The following AKAP13 variants were observed in gnomAD, a reference collection of about 807,000 sequenced individuals.
The protein encoded by AKAP13 is A-kinase anchoring protein 13.
Under a neutral mutation model 264.5 loss-of-function variants are expected in AKAP13, and 80 were observed. The observed-to-expected ratio is 0.30, with a 90% CI of 0.25 to 0.36. AKAP13 has a LOEUF of 0.36. Among genes scored for constraint, AKAP13 ranks in the 10% least tolerant of loss-of-function variants. AKAP13 has a pLI of 1.00. For synonymous variants in AKAP13, 1,380 were observed against 1,250.2 expected (o/e 1.10, Z -2.19); for missense variants, 3,712 against 3,435.2 (o/e 1.08, Z -2.01).
At chr15:85,619,846 C>G in intron 8 of AKAP13, 1 of 1,354,172 alleles carries the variant, frequency 7.4e-7, no homozygotes, top group Non-Finnish European at 9.5e-7. Context: ...GTTCTACATT[C>G]ATCTTTCCAG....
intron 1 of AKAP13, among the ~76,000 whole-genome samples, chr15:85,458,158 G>T (rs2074349806): frequency 6.7e-6 from 1 of 148,660 alleles, no homozygotes. Context: ...AAAAAAAGTT[G>T]AAAATACTAA....
At chr15:85,589,553 C>G (rs59039067) in intron 8 of AKAP13, among the ~76,000 whole-genome samples, 1 of 149,594 alleles carries the variant, frequency 6.7e-6, no homozygotes, top group Non-Finnish European at 1.5e-5. Flanking sequence ...GTCAGGAGTT[C>G]GTGACCAGCC....
chr15:85,599,817 C>T (rs2079975369), intron 8 of AKAP13, among the ~76,000 whole-genome samples: 1 of 152,156 alleles, frequency 6.6e-6, no homozygotes, highest in Admixed American at 6.5e-5. Context: ...GGGAGGATTG[C>T]TTGAGCCTAG....
At chr15:85,705,318 C>A (rs1212443746) in intron 17 of AKAP13, among the ~76,000 whole-genome samples, 1 of 152,130 alleles carries the variant, frequency 6.6e-6, no homozygotes, top group African/African-American at 2.4e-5. Flanking sequence ...AAGAACAGAA[C>A]TTGGAAACAA....
In AKAP13 at chr15:85,718,673, G is replaced by A. The variant is rs955374823; in HGVS notation, c.6002-403G>A. 6 of 205,722 alleles carry A rather than the reference G, an allele frequency of 2.9e-5. No homozygotes were observed. Among genetic ancestry groups the A allele is most frequent in the African/African-American group, 9.5e-5 (4 of 42,082 alleles). The allele number at this position is 205,722 out of a possible 1,614,324, so 12.7% of individuals were successfully genotyped here. The stretch of plus-strand genomic sequence containing the variant: ...TCCCAGCACTCTGGGAGGCTGAGGC[G>A]GGTGGATCACTCGAGCCCAGAGTTC... On this transcript the variant is annotated intron_variant, in intron 22 of 36. Coordinates refer to ENST00000394518, the MANE Select transcript of AKAP13 (RefSeq NM_007200.5). This position sits in a 1 kb window ranked among gnomAD's most constrained non-coding sequence, Gnocchi z 4.9.
chr15:85,533,931 C>T (rs769925024), intron 4 of AKAP13, 51 bp downstream of exon 4: 4 of 1,403,316 alleles, frequency 2.9e-6, no homozygotes, highest in Non-Finnish European at 3.8e-6. Context: ...GATATTTCTA[C>T]TTTTTTTTTA....
chr15:85,438,603 C>T (rs2073450375), intron 1 of AKAP13, among the ~76,000 whole-genome samples: 1 of 146,896 alleles, frequency 6.8e-6, no homozygotes, highest in Admixed American at 6.8e-5. Context: ...CAGCATGGTA[C>T]TGGTACCAAA....
At chr15:85,490,886 G>A (rs2075702976) in intron 2 of AKAP13, among the ~76,000 whole-genome samples, 2 of 152,180 alleles carry the variant, frequency 1.3e-5, no homozygotes, top group South Asian at 4.1e-4. Context: ...CGATGTGATT[G>A]TGCCTGACCA....
At chr15:85,651,502 G>C (rs1236885697) in intron 10 of AKAP13, 2 of 152,154 alleles carry the variant, frequency 1.3e-5, no homozygotes, top group African/African-American at 4.8e-5. Context: ...GAGGGTACCA[G>C]TCAGTGACTT....
At chr15:85,537,808 C>G (rs1318806681) in intron 4 of AKAP13, among the ~76,000 whole-genome samples, 1 of 152,220 alleles carries the variant, frequency 6.6e-6, no homozygotes, top group Non-Finnish European at 1.5e-5. Flanking sequence ...AGTTTATAAG[C>G]TATTCATTTT....
intron 19 of AKAP13, among the ~76,000 whole-genome samples, chr15:85,712,048 C>T (rs1285179935): frequency 1.3e-5 from 2 of 152,082 alleles, no homozygotes; most frequent in Admixed American, 6.5e-5. Flanking sequence ...TGCCCAGGCT[C>T]GTCTCAAACT....
Position 85,717,413 on chromosome 15 carries a change from G to T in AKAP13, c.5848+11G>T. ...CACTTACTGATGAGGGTAAGAGGAA[G>T]TTATGGCCTTTATTTTATGCCTCTG... On this transcript the variant is annotated intron_variant, in intron 21 of 36. Transcript: ENST00000394518. 1.3e-6 allele frequency: 2 copies of T among 1,582,304 alleles called. No individual in the cohort carries two copies. The highest frequency in any genetic ancestry group is 1.7e-6 in the Non-Finnish European group (2 of 1,152,790).
Position 85,558,508 on chromosome 15 carries a change from C to G in AKAP13, c.662+14553C>G, listed in dbSNP as rs990036903. Among the ~76,000 whole-genome samples, 4 of 152,000 alleles carry G rather than the reference C, an allele frequency of 2.6e-5. No individual in the cohort carries two copies. In the South Asian group the frequency reaches 8.3e-4, roughly 32 times the overall value. Reference sequence around the variant, plus strand: ...CACACATAGTTAAGTGAACTTCGTGCCTGAAGATGGGGGTCCTGCCTAGAC... The same window carrying G: ...CACACATAGTTAAGTGAACTTCGTGGCTGAAGATGGGGGTCCTGCCTAGAC... On this transcript the variant is annotated intron_variant, in intron 5 of 36. Coordinates refer to ENST00000394518, the MANE Select transcript of AKAP13 (RefSeq NM_007200.5).
intron 10 of AKAP13, chr15:85,651,528 A>G (rs146099767): frequency 1.3e-5 from 2 of 152,332 alleles, no homozygotes; most frequent in African/African-American, 4.8e-5. Flanking sequence ...AAAAAAATTT[A>G]ATGACTGCTT....
At chr15:85,391,964 T>C (rs146004086) in intron 1 of AKAP13, among the ~76,000 whole-genome samples, 1,989 of 151,884 alleles carry the variant, frequency 0.013, 56 homozygotes, top group African/African-American at 0.045. Context: ...TTTGTATTTT[T>C]AGTAGAGATG....
intron 10 of AKAP13, among the ~76,000 whole-genome samples, chr15:85,648,025 A>ATT (rs138560577): frequency 1.6e-3 from 239 of 148,372 alleles, no homozygotes; most frequent in Middle Eastern, 6.9e-3. Flanking sequence ...ATGTTATTTT[A>ATT]TTTTTTTTTT....
chr15:85,698,807 G>A (rs2085724994), intron 17 of AKAP13, among the ~76,000 whole-genome samples: 1 of 150,464 alleles, frequency 6.6e-6, no homozygotes, highest in Non-Finnish European at 1.5e-5. Context: ...AGCTGGGCAT[G>A]GTGGTGCACG....
intron 12 of AKAP13, among the ~76,000 whole-genome samples, chr15:85,660,358 A>C (rs1221447020): frequency 1.2e-5 from 1 of 80,112 alleles, no homozygotes; most frequent in Admixed American, 1.4e-4. Flanking sequence ...GTCTCAAAAA[A>C]AAAAAAAAAA....
At chr15:85,614,353 A>AG (rs2080845608) in intron 8 of AKAP13, among the ~76,000 whole-genome samples, 1 of 152,236 alleles carries the variant, frequency 6.6e-6, no homozygotes, top group African/African-American at 2.4e-5. Context: ...GTTCATTTTC[A>AG]GGAAGACTTG....
Sources: allele counts gnomAD v4.1 joint callset (sites outside exome capture counted in the v4.1 genomes callset), GRCh38; gene constraint gnomAD v4.1.1; non-coding constraint Gnocchi (gnomAD v3.1); transcripts MANE v1.5; gene names NCBI Gene and HGNC (gene_info 2026-07-23, HGNC 2026-07-21).